Variants in FRMD4A observed in about 807,000 individuals in gnomAD.
The protein encoded by FRMD4A is FERM domain-containing protein 4A.
FRMD4A carries 29 observed loss-of-function variants against 129.1 expected under a neutral mutation model. The ratio of observed to expected loss-of-function variants is 0.22; its 90% CI spans 0.17 to 0.31. The LOEUF (loss-of-function observed/expected upper bound fraction) is 0.31, where lower values mean the gene tolerates loss of function less well. Ranked by LOEUF, FRMD4A falls within the 10% of genes least tolerant of loss-of-function variation. FRMD4A has a pLI of 1.00. For missense variants in FRMD4A, 1,272 were observed against 1,375.8 expected, an observed-to-expected ratio of 0.92 and a Z score of 1.19; for synonymous variants, 634 against 571.6, an observed-to-expected ratio of 1.11 and a Z score of -1.56.
chr10:14,037,066 G>A (rs1409275307), intron 2 of FRMD4A, among the ~76,000 whole-genome samples: 1 of 152,132 alleles, frequency 6.6e-6, no homozygotes, highest in African/African-American at 2.4e-5. Context: ...TCTCACTAGT[G>A]GCAACCACTT....
In FRMD4A at chr10:13,684,541, G is replaced by A. The variant is rs552587732; in HGVS notation, c.1117+9357C>T. Reference sequence around the variant, plus strand: ...ACAAACAGCAGCTCTCCTCCCGGCCGGCAGACACATGGAAGGACAGCCTCT... The same window carrying A: ...ACAAACAGCAGCTCTCCTCCCGGCCAGCAGACACATGGAAGGACAGCCTCT... On this transcript the variant is annotated intron_variant, in intron 15 of 24. Coordinates refer to ENST00000357447, the MANE Select transcript of FRMD4A (RefSeq NM_018027.5). 81 of 985,438 alleles carry A rather than the reference G, an allele frequency of 8.2e-5. 1 individual carries two copies. Among genetic ancestry groups the A allele is most frequent in the South Asian group, 5.2e-4 (11 of 21,282 alleles). The allele number at this position is 985,438 out of a possible 1,614,324, so 61.0% of individuals were successfully genotyped here.
At chr10:13,676,860 G>A (rs150452794) in intron 15 of FRMD4A, among the ~76,000 whole-genome samples, 25 of 152,236 alleles carry the variant, frequency 1.6e-4, no homozygotes, top group African/African-American at 5.3e-4. Context: ...GTAAAACCTT[G>A]GCAGGACTTT....
rs374464932 is a variant in FRMD4A, at chr10:13,654,453, G to A, written c.3013C>T (p.Pro1005Ser). 38 of 1,613,442 alleles carry A rather than the reference G, an allele frequency of 2.4e-5. No individual in the cohort carries two copies. Among genetic ancestry groups the A allele is most frequent in the Non-Finnish European group, 3.0e-5 (35 of 1,179,448 alleles). The change falls in exon 23 of 25, where the codon CCA (proline) becomes TCA (serine). Residue 1005 changes from proline (P) to serine (S), a missense_variant. Pro to Ser is a moderately conservative substitution (Grantham distance 74). Transcript: ENST00000357447. Reference protein sequence around the residue: ...TPSSEIGATPPSSPHHILTWQ... With the variant: ...TPSSEIGATPSSSPHHILTWQ... ...GTTAGGATGTGGTGGGGGCTGCTTGGGGGGGTGGCTCCAATTTCACTTGAC... is the reference window on the plus strand; with the variant it reads ...GTTAGGATGTGGTGGGGGCTGCTTGAGGGGGTGGCTCCAATTTCACTTGAC...
intron 2 of FRMD4A, among the ~76,000 whole-genome samples, chr10:13,895,302 T>C (rs930340780): frequency 2.0e-5 from 3 of 152,200 alleles, no homozygotes; most frequent in African/African-American, 7.2e-5. Flanking sequence ...TGTGTTCTCA[T>C]CGTTTAGCTC....
intron 12 of FRMD4A, among the ~76,000 whole-genome samples, chr10:13,709,870 G>A (rs1193286673): frequency 2.0e-5 from 3 of 149,258 alleles, no homozygotes; most frequent in Non-Finnish European, 4.5e-5. Context: ...TTTTTGTCTT[G>A]TTGCTATACG....
chr10:14,093,786 C>T (rs1446400573), intron 2 of FRMD4A, among the ~76,000 whole-genome samples: 1 of 152,174 alleles, frequency 6.6e-6, no homozygotes, highest in East Asian at 1.9e-4. Flanking sequence ...ATGTCACAGC[C>T]CATGACTCTT....
chr10:14,302,964 G>C (rs913633460), intron 2 of FRMD4A, among the ~76,000 whole-genome samples: 13 of 152,188 alleles, frequency 8.5e-5, no homozygotes, highest in African/African-American at 3.1e-4. Flanking sequence ...TGGAGGAGCA[G>C]TGGGTAGGGA....
chr10:14,270,250 T>C (rs1218345), intron 2 of FRMD4A, among the ~76,000 whole-genome samples: 56,394 of 152,118 alleles, frequency 0.37, 11,636 homozygotes, highest in African/African-American at 0.57. Flanking sequence ...CACTGCACAG[T>C]TGAATGAGCC....
At chr10:13,795,358 A>T (rs899148693) in intron 5 of FRMD4A, among the ~76,000 whole-genome samples, 6 of 152,242 alleles carry the variant, frequency 3.9e-5, no homozygotes, top group African/African-American at 1.4e-4. Flanking sequence ...CACAGCTGTT[A>T]AACAAATCAA....
Position 13,765,899 on chromosome 10 carries a change from T to C in FRMD4A, c.385-3219A>G, listed in dbSNP as rs554541716. The stretch of plus-strand genomic sequence containing the variant: ...GGGTGCACTTGTTAGCGTGCTGTTG[T>C]ATGTGTGCTTTTCTGTCAAACATTT... On this transcript the variant is annotated intron_variant, in intron 6 of 24. Transcript: ENST00000357447. 4.0e-4 allele frequency among the ~76,000 whole-genome samples: 61 copies of C among 152,338 alleles called. 2 individuals carry two copies. In the South Asian group the frequency reaches 9.7e-3, roughly 24 times the overall value.
At chr10:14,251,287 T>C (rs1384917409) in intron 2 of FRMD4A, among the ~76,000 whole-genome samples, 1 of 152,198 alleles carries the variant, frequency 6.6e-6, no homozygotes, top group Non-Finnish European at 1.5e-5. Context: ...GTCTGGGGTG[T>C]GCTCTCTTTC....
chr10:13,962,512 T>C (rs1034416595), intron 2 of FRMD4A, among the ~76,000 whole-genome samples: 1 of 152,062 alleles, frequency 6.6e-6, no homozygotes, highest in Non-Finnish European at 1.5e-5. Flanking sequence ...GGTAAGAAAA[T>C]AGACTCTCTA....
rs543436014 is a variant in FRMD4A, at chr10:13,937,501, G to A, written c.46-78589C>T. Among the ~76,000 whole-genome samples, 9 of 152,156 alleles carry A rather than the reference G, an allele frequency of 5.9e-5. No homozygotes were observed. The East Asian group carries it at 1.2e-3, about 20-fold the overall frequency. Reference sequence around the variant, plus strand: ...CGGTGTTCCTTTAAATATGATCACCGATAAAGAGGGGTGCCTTTTAGGTTT... The same window carrying A: ...CGGTGTTCCTTTAAATATGATCACCAATAAAGAGGGGTGCCTTTTAGGTTT... On this transcript the variant is annotated intron_variant, in intron 2 of 24. Transcript: ENST00000357447.
intron 15 of FRMD4A, among the ~76,000 whole-genome samples, chr10:13,683,334 C>T (rs2084781225): frequency 6.6e-6 from 1 of 151,884 alleles, no homozygotes; most frequent in Non-Finnish European, 1.5e-5. Context: ...CCTCTAATGC[C>T]AGCACTTTGG....
chr10:13,660,524 G>C lies in FRMD4A; in HGVS notation c.1690C>G (p.Pro564Ala). 1 of 1,612,102 alleles carries C rather than the reference G, an allele frequency of 6.2e-7. No individual in the cohort carries two copies. Among genetic ancestry groups the C allele is most frequent in the Non-Finnish European group, 8.5e-7 (1 of 1,178,498 alleles). The change falls in exon 20 of 25, where the codon CCC becomes GCC. Residue 564 changes from proline to alanine, a missense_variant. Coordinates refer to ENST00000357447, the MANE Select transcript of FRMD4A (RefSeq NM_018027.5). ...EDSQVTSTIS[P>A]LHSPHKGLPP... The stretch of plus-strand genomic sequence containing the variant: ...AGTCCCTTGTGAGGAGAATGTAGGG[G>C]GGATATTGTGCTGGTAACCTGAGAG...
intron 2 of FRMD4A, among the ~76,000 whole-genome samples, chr10:13,902,033 T>C (rs1327605153): frequency 6.6e-6 from 1 of 152,224 alleles, no homozygotes; most frequent in Non-Finnish European, 1.5e-5. Flanking sequence ...TTGTTTGTTT[T>C]AGAGACAGGG....
chr10:14,071,446 G>T (rs1036731246), intron 2 of FRMD4A, among the ~76,000 whole-genome samples: 4 of 152,050 alleles, frequency 2.6e-5, no homozygotes, highest in Non-Finnish European at 5.9e-5. Flanking sequence ...GAAAACATTG[G>T]TTTAGGATGA....
At chr10:14,206,469 G>T (rs1187629686) in intron 2 of FRMD4A, among the ~76,000 whole-genome samples, 1 of 151,832 alleles carries the variant, frequency 6.6e-6, no homozygotes, top group East Asian at 1.9e-4. Context: ...TCTCTTATTT[G>T]TAGACACAAA....
chr10:13,959,654 T>G (rs952088226), intron 2 of FRMD4A, among the ~76,000 whole-genome samples: 1 of 152,048 alleles, frequency 6.6e-6, no homozygotes, highest in South Asian at 2.1e-4. Flanking sequence ...TTCATGAGCT[T>G]GGGAGGCAAA....
Sources: allele counts gnomAD v4.1 joint callset (sites outside exome capture counted in the v4.1 genomes callset), GRCh38; gene constraint gnomAD v4.1.1; transcripts MANE v1.5; gene names NCBI Gene and HGNC (gene_info 2026-07-23, HGNC 2026-07-21).